The following SENP7 variants were observed in gnomAD, a reference collection of about 807,000 sequenced individuals.
SENP7 encodes sentrin-specific protease 7.
Under a neutral mutation model 141.2 loss-of-function variants are expected in SENP7, and 64 were observed. The observed-to-expected ratio is 0.45, with a 90% CI of 0.37 to 0.56. The LOEUF (loss-of-function observed/expected upper bound fraction) is 0.56. Among genes scored for constraint, SENP7 ranks in the 20% least tolerant of loss-of-function variants. The probability of loss-of-function intolerance (pLI) is 0.00; values close to 1 mark genes in which losing one functional copy is unlikely to be tolerated. For missense variants in SENP7, 1,025 were observed against 1,212.2 expected (o/e 0.85, Z 2.29); for synonymous variants, 382 against 426.4 (o/e 0.90, Z 1.28).
chr3:101,473,895 G>A (rs544379334), intron 3 of SENP7, among the ~76,000 whole-genome samples: 6 of 152,246 alleles, frequency 3.9e-5, no homozygotes, highest in East Asian at 1.9e-4. Context: ...AATCCATCTC[G>A]AGCTAATTTT....
intron 11 of SENP7, chr3:101,358,187 TG>T: frequency 1.7e-6 from 1 of 602,242 alleles, no homozygotes. Context: ...GTGATCAATG[TG>T]GCAAAACCTT....
chr3:101,373,316 T>C (rs982759065), intron 6 of SENP7, among the ~76,000 whole-genome samples: 5 of 152,262 alleles, frequency 3.3e-5, no homozygotes, highest in Admixed American at 2.0e-4. Flanking sequence ...TCAAGAATCA[T>C]TCTTGAAGAA....
In SENP7 at chr3:101,332,867, G is replaced by C; in HGVS notation, c.2481-5C>G. ...TTATGTCTTCTCTGTGCCATTCTGA[G>C]AGTATGAAAGACAGATTTGATATAT... On this transcript the variant is annotated splice_region_variant and splice_polypyrimidine_tract_variant and intron_variant, in intron 17 of 23. Coordinates refer to ENST00000394095, the MANE Select transcript of SENP7 (RefSeq NM_020654.5). The C allele has an allele frequency of 1.3e-6, 2 of 1,572,760 alleles. No homozygotes were observed. The highest frequency in any genetic ancestry group is 1.7e-6 in the Non-Finnish European group (2 of 1,165,726).
At chr3:101,329,426 G>A (rs1274394436) in intron 20 of SENP7, among the ~76,000 whole-genome samples, 10 of 152,024 alleles carry the variant, frequency 6.6e-5, no homozygotes, top group Non-Finnish European at 8.8e-5. Context: ...GTGACAGTTC[G>A]TATCAGTGAC....
At position 101,327,696 on chromosome 3, in the gene SENP7, A is replaced by G. The variant is rs1204598363; in HGVS notation, c.2985T>C (p.Tyr995=). The G allele has an allele frequency of 1.2e-6, 2 of 1,607,936 alleles. No individual in the cohort carries two copies. The highest frequency in any genetic ancestry group is 1.3e-5 in the African/African-American group (1 of 74,538). ...AGAAGCTTTCCACATACTGCAATAA[A>G]TATACTCCACAATCACTGCTATTGT... ...KQDNSSDCGV[Y]LLQYVESFFK... Residue 995 remains tyrosine, a synonymous_variant, in exon 23 of 24, where the codon TAT becomes TAC. Coordinates refer to ENST00000394095, the MANE Select transcript of SENP7 (RefSeq NM_020654.5).
chr3:101,426,285 A>T (rs2061955562), intron 4 of SENP7, among the ~76,000 whole-genome samples: 1 of 151,548 alleles, frequency 6.6e-6, no homozygotes, highest in African/African-American at 2.4e-5. Context: ...AAAATCAAAG[A>T]AAAAATGTTA....
intron 3 of SENP7, among the ~76,000 whole-genome samples, chr3:101,459,578 C>A (rs1350250996): frequency 1.3e-5 from 2 of 152,270 alleles, no homozygotes; most frequent in East Asian, 1.9e-4. Context: ...CATTTATATT[C>A]TCTATGCCTT....
intron 6 of SENP7, among the ~76,000 whole-genome samples, chr3:101,377,631 C>A (rs893343933): frequency 2.0e-5 from 3 of 152,098 alleles, no homozygotes; most frequent in Non-Finnish European, 4.4e-5. Context: ...TTAACAAGGC[C>A]TGCCCTCAAG....
At chr3:101,442,185 A>G (rs2062701765) in intron 4 of SENP7, among the ~76,000 whole-genome samples, 1 of 152,230 alleles carries the variant, frequency 6.6e-6, no homozygotes, top group Admixed American at 6.5e-5. Context: ...CCAGTAACGT[A>G]ACACAGAGAA....
chr3:101,352,069 T>C (rs1187221194), intron 11 of SENP7, among the ~76,000 whole-genome samples: 2 of 151,940 alleles, frequency 1.3e-5, no homozygotes, highest in African/African-American at 4.8e-5. Flanking sequence ...GGTGATGAAC[T>C]CACACTAACC....
At chr3:101,349,771 G>T (rs1322576720) in intron 12 of SENP7, among the ~76,000 whole-genome samples, 1 of 152,080 alleles carries the variant, frequency 6.6e-6, no homozygotes, top group African/African-American at 2.4e-5. Context: ...TACCAAGTCT[G>T]CCCCCAATAT....
intron 4 of SENP7, among the ~76,000 whole-genome samples, chr3:101,442,933 A>G (rs2062737848): frequency 1.3e-5 from 2 of 152,176 alleles, no homozygotes; most frequent in South Asian, 4.1e-4. Context: ...TTCAGAGGAG[A>G]AGAGATGGGC....
chr3:101,454,888 T>A (rs1240232777), intron 4 of SENP7, among the ~76,000 whole-genome samples: 1 of 152,190 alleles, frequency 6.6e-6, no homozygotes, highest in Non-Finnish European at 1.5e-5. Flanking sequence ...TGGAGCATGA[T>A]GGGATGTTCT....
chr3:101,378,159 AAAAAAAC>A (rs1576153957), intron 6 of SENP7, among the ~76,000 whole-genome samples: 1 of 151,972 alleles, frequency 6.6e-6, no homozygotes, highest in Non-Finnish European at 1.5e-5. Context: ...AACTATCCAA[AAAAAAAC>A]AAAAAACAAA....
intron 13 of SENP7, among the ~76,000 whole-genome samples, chr3:101,347,164 G>T (rs1472464665): frequency 6.6e-6 from 1 of 151,902 alleles, no homozygotes; most frequent in South Asian, 2.1e-4. Flanking sequence ...TGAGGTTGTG[G>T]GAAGCTATGA....
chr3:101,340,412 T>G, intron 15 of SENP7: 1 of 588,266 alleles, frequency 1.7e-6, no homozygotes, highest in Non-Finnish European at 2.7e-6. Flanking sequence ...TTGAGTATTA[T>G]CTTTTCTTTT....
chr3:101,481,160 A>C (rs1437675816), intron 3 of SENP7, among the ~76,000 whole-genome samples: 1 of 152,256 alleles, frequency 6.6e-6, no homozygotes. Context: ...AAAGGAAAAC[A>C]ATATTTCAAT....
chr3:101,358,485 T>C (rs2059804234), intron 11 of SENP7: 1 of 332,356 alleles, frequency 3.0e-6, no homozygotes. Flanking sequence ...AATATGAGAA[T>C]TTATATGGAA....
chr3:101,339,954 G>A (rs2059288701), intron 16 of SENP7, 141 bp downstream of exon 16: 1 of 1,064,462 alleles, frequency 9.4e-7, no homozygotes, highest in Non-Finnish European at 1.3e-6. Context: ...AGAAAACCTT[G>A]GTAAGCAAAA....
Sources: gnomAD v4.1 joint callset for allele counts (sites outside exome capture counted in the v4.1 genomes callset) on GRCh38, gnomAD v4.1.1 for gene constraint, MANE v1.5 for transcripts, NCBI Gene and HGNC (gene_info 2026-07-23, HGNC 2026-07-21) for gene names.